FBN2: variants seen among roughly 807,000 people sequenced by gnomAD.
The protein encoded by FBN2 is fibrillin-2.
Under a neutral mutation model 355.6 loss-of-function variants are expected in FBN2, and 105 were observed. The observed-to-expected ratio is 0.30, with a 90% CI of 0.25 to 0.35. The LOEUF (loss-of-function observed/expected upper bound fraction) is 0.35. Among genes scored for constraint, FBN2 ranks in the 10% least tolerant of loss-of-function variants. FBN2 has a pLI of 1.00. For synonymous variants in FBN2, 1,350 were observed against 1,301.2 expected, an observed-to-expected ratio of 1.04 and a Z score of -0.81; for missense variants, 3,280 against 3,758.7, an observed-to-expected ratio of 0.87 and a Z score of 3.33.
chr5:128,511,835 G>A (rs2127152789), intron 5 of FBN2, among the ~76,000 whole-genome samples: 1 of 152,208 alleles, frequency 6.6e-6, no homozygotes, highest in Admixed American at 6.5e-5. Flanking sequence ...TTCAGATTTA[G>A]CAATATGCAA....
chr5:128,294,234 T>C (rs1269903855), intron 48 of FBN2, among the ~76,000 whole-genome samples: 121 of 152,128 alleles, frequency 8.0e-4, no homozygotes, highest in African/African-American at 2.5e-3. Flanking sequence ...ATCCAGTCTA[T>C]CATTGTTGGA....
At position 128,372,618 on chromosome 5, in the gene FBN2, A is replaced by C. The variant is rs192563351; in HGVS notation, c.2095+2010T>G. Among the ~76,000 whole-genome samples, 113 of 152,176 alleles carry C rather than the reference A, an allele frequency of 7.4e-4. 1 individual carries two copies. The East Asian group carries it at 0.021, about 28-fold the overall frequency. Reference sequence around the variant, plus strand: ...GCAATCCTCCTGCCTCAGCCTCCCAAGTAGCTGGAATTATAGGCACATGCC... The same window carrying C: ...GCAATCCTCCTGCCTCAGCCTCCCACGTAGCTGGAATTATAGGCACATGCC... On this transcript the variant is annotated intron_variant, in intron 15 of 64. Transcript: ENST00000262464.
intron 11 of FBN2, among the ~76,000 whole-genome samples, chr5:128,390,601 T>G (rs1024120452): frequency 6.6e-6 from 1 of 152,218 alleles, no homozygotes; most frequent in Non-Finnish European, 1.5e-5. Flanking sequence ...TGTGACAAAA[T>G]GTACATTACA....
chr5:128,294,745 G>A (rs1345707968), intron 48 of FBN2, among the ~76,000 whole-genome samples: 1 of 151,244 alleles, frequency 6.6e-6, no homozygotes, highest in African/African-American at 2.4e-5. Flanking sequence ...TTAGCCCTTT[G>A]TCAGAGTAGG....
chr5:128,412,146 G>GA (rs1263015927), intron 7 of FBN2, among the ~76,000 whole-genome samples: 6 of 152,210 alleles, frequency 3.9e-5, no homozygotes, highest in African/African-American at 1.4e-4. Flanking sequence ...GCAAATATCA[G>GA]AAAAACTGAT....
chr5:128,459,955 T>C (rs1042833204), intron 6 of FBN2, among the ~76,000 whole-genome samples: 10 of 152,208 alleles, frequency 6.6e-5, no homozygotes, highest in African/African-American at 2.4e-4. Context: ...TATTGGAAGT[T>C]CTGACCAGGG....
chr5:128,356,628 G>T (rs1409345425), intron 20 of FBN2, among the ~76,000 whole-genome samples: 1 of 152,196 alleles, frequency 6.6e-6, no homozygotes, highest in Non-Finnish European at 1.5e-5. Flanking sequence ...TTACGTGCTG[G>T]ATTTTTCCTT....
At chr5:128,378,916 T>C (rs768573191) in intron 11 of FBN2, 26 bp from the exon 12 acceptor site, 14 of 1,612,310 alleles carry the variant, frequency 8.7e-6, no homozygotes, top group East Asian at 6.7e-5. Flanking sequence ...GAAACCATTA[T>C]AGACTTCACT....
chr5:128,328,605 C>T (rs1426021732), intron 34 of FBN2, 91 bp downstream of exon 34: 2 of 1,387,378 alleles, frequency 1.4e-6, no homozygotes, highest in Non-Finnish European at 2.0e-6. Flanking sequence ...ATGTATTCTG[C>T]TTCCAGGTGG....
chr5:128,507,884 T>C lies in FBN2; in HGVS notation c.628+11389A>G, dbSNP rs147799393. Among the ~76,000 whole-genome samples, 440 of 152,180 alleles carry C rather than the reference T, an allele frequency of 2.9e-3. 2 individuals are homozygous for C. The highest frequency in any genetic ancestry group is 0.01 in the African/African-American group (423 of 41,584). ...TTGAGAGGGGGTACTGAAATCTCCATTAATTATGGATTTGTCTACACCTCC... is the reference window on the plus strand; with the variant it reads ...TTGAGAGGGGGTACTGAAATCTCCACTAATTATGGATTTGTCTACACCTCC... On this transcript the variant is annotated intron_variant, in intron 5 of 64. Coordinates refer to ENST00000262464, the MANE Select transcript of FBN2 (RefSeq NM_001999.4).
intron 5 of FBN2, among the ~76,000 whole-genome samples, chr5:128,501,986 G>A (rs906463089): frequency 1.2e-4 from 19 of 152,098 alleles, no homozygotes; most frequent in African/African-American, 4.6e-4. Flanking sequence ...CAAATCAAAT[G>A]ATCACATGCT....
chr5:128,463,983 G>A (rs1283607666), intron 6 of FBN2, among the ~76,000 whole-genome samples: 1 of 152,114 alleles, frequency 6.6e-6, no homozygotes, highest in Non-Finnish European at 1.5e-5. Context: ...GACCATTTCC[G>A]AGCTCTAAAA....
At chr5:128,438,762 C>G (rs1013595996) in intron 7 of FBN2, among the ~76,000 whole-genome samples, 1 of 152,136 alleles carries the variant, frequency 6.6e-6, no homozygotes, top group South Asian at 2.1e-4. Flanking sequence ...ATAAATGGGT[C>G]TTCCCACCCC....
intron 62 of FBN2, among the ~76,000 whole-genome samples, chr5:128,270,560 G>A (rs942276808): frequency 2.0e-5 from 3 of 151,924 alleles, no homozygotes; most frequent in South Asian, 4.1e-4. Flanking sequence ...AGAAAACGTC[G>A]GCAATATCAT....
rs1454519192 is a variant in FBN2 at position 128,277,868 on chromosome 5, G to C, written c.7471+12C>G. The C allele has an allele frequency of 6.2e-7, 1 of 1,613,922 alleles. No individual in the cohort carries two copies. The highest frequency in any genetic ancestry group is 1.3e-5 in the African/African-American group (1 of 74,922). ...CCCCCAAACCCCTGGATATAGAGGTGCCCATCGTTACCTATACAAGAGGTT... is the reference window on the plus strand; with the variant it reads ...CCCCCAAACCCCTGGATATAGAGGTCCCCATCGTTACCTATACAAGAGGTT... On this transcript the variant is annotated intron_variant, in intron 58 of 64. Coordinates refer to ENST00000262464, the MANE Select transcript of FBN2 (RefSeq NM_001999.4).
chr5:128,291,457 C>G, intron 49 of FBN2, 72 bp downstream of exon 49: 1 of 1,542,974 alleles, frequency 6.5e-7, no homozygotes, highest in Non-Finnish European at 9.0e-7. Context: ...CTAATACCAG[C>G]ATGATGGTTT....
At chr5:128,336,324 T>C (rs958450192) in intron 27 of FBN2, among the ~76,000 whole-genome samples, 1 of 152,226 alleles carries the variant, frequency 6.6e-6, no homozygotes, top group Non-Finnish European at 1.5e-5. Flanking sequence ...ATGATGCAAC[T>C]GCTCCCAAAT....
chr5:128,293,800 A>G (rs1363794304), intron 48 of FBN2, among the ~76,000 whole-genome samples: 1 of 152,066 alleles, frequency 6.6e-6, no homozygotes, highest in African/African-American at 2.4e-5. Context: ...AAGAAAATGG[A>G]AGAACAACAG....
chr5:128,526,240 A>C (rs947194164), intron 4 of FBN2, among the ~76,000 whole-genome samples: 15 of 152,170 alleles, frequency 9.9e-5, no homozygotes, highest in African/African-American at 3.6e-4. Context: ...TAAGAAAAAA[A>C]AACAGAAAAT....
Sources: allele counts gnomAD v4.1 joint callset (sites outside exome capture counted in the v4.1 genomes callset), GRCh38; gene constraint gnomAD v4.1.1; transcripts MANE v1.5; gene names NCBI Gene and HGNC (gene_info 2026-07-23, HGNC 2026-07-21).